The following WIF1 variants were observed in gnomAD, a reference collection of about 807,000 sequenced individuals.
WIF1 encodes Wnt inhibitory factor 1.
WIF1 carries 35 observed loss-of-function variants against 53.5 expected under a neutral mutation model. The ratio of observed to expected loss-of-function variants is 0.65; its 90% CI spans 0.50 to 0.87. The LOEUF (loss-of-function observed/expected upper bound fraction) is 0.87. Among genes scored for constraint, WIF1 ranks in the 40% least tolerant of loss-of-function variants. The pLI, the probability that WIF1 is intolerant of heterozygous loss-of-function variation, is 0.00. For synonymous variants in WIF1, 171 were observed against 170.4 expected, an observed-to-expected ratio of 1.00 and a Z score of -0.03; for missense variants, 467 against 476.8, an observed-to-expected ratio of 0.98 and a Z score of 0.19.
chr12:65,106,521 G>A (rs920732002), intron 2 of WIF1, among the ~76,000 whole-genome samples: 2 of 151,842 alleles, frequency 1.3e-5, no homozygotes, highest in African/African-American at 2.4e-5. Flanking sequence ...TCGCCACCAC[G>A]CCTGGCTAAT....
At chr12:65,099,387 A>T (rs1883248015) in intron 2 of WIF1, among the ~76,000 whole-genome samples, 1 of 152,210 alleles carries the variant, frequency 6.6e-6, no homozygotes, top group African/African-American at 2.4e-5. Context: ...GATTTTGCTC[A>T]AATAAGCCAC....
chr12:65,080,405 T>G (rs2136623302), intron 2 of WIF1, among the ~76,000 whole-genome samples: 1 of 152,082 alleles, frequency 6.6e-6, no homozygotes, highest in African/African-American at 2.4e-5. Context: ...ATGAAAGGAG[T>G]GTTGTCAGGA....
At position 65,062,462 on chromosome 12, in the gene WIF1, G is replaced by A. The variant is rs755917786; in HGVS notation, c.826+19C>T. Reference sequence around the variant, plus strand: ...TAAGGTCTCCCCAAGTCAAAAGAACGCAGAAAGTCAATACTCACTGATTTC... The same window carrying A: ...TAAGGTCTCCCCAAGTCAAAAGAACACAGAAAGTCAATACTCACTGATTTC... On this transcript the variant is annotated intron_variant, in intron 7 of 9. Transcript: ENST00000286574. 23 of 1,592,128 alleles carry A rather than the reference G, an allele frequency of 1.4e-5. No individual in the cohort carries two copies. The highest frequency in any genetic ancestry group is 9.4e-5 in the African/African-American group (7 of 74,556).
chr12:65,118,367 T>C (rs1451906842), intron 2 of WIF1, among the ~76,000 whole-genome samples: 1 of 152,224 alleles, frequency 6.6e-6, no homozygotes, highest in African/African-American at 2.4e-5. Flanking sequence ...CACATAACTT[T>C]AGTAAGCAAA....
chr12:65,100,350 C>A (rs1166561882), intron 2 of WIF1, among the ~76,000 whole-genome samples: 5 of 152,098 alleles, frequency 3.3e-5, no homozygotes, highest in Non-Finnish European at 5.9e-5. Context: ...CCCACTGCCC[C>A]CTACAGTATA....
intron 3 of WIF1, among the ~76,000 whole-genome samples, chr12:65,070,509 A>T (rs1882756782): frequency 6.6e-6 from 1 of 152,182 alleles, no homozygotes; most frequent in Admixed American, 6.6e-5. Flanking sequence ...TTTTGTACTT[A>T]TACTTTGTTC....
chr12:65,121,046 A>G lies in WIF1; in HGVS notation c.146T>C (p.Ile49Thr), dbSNP rs1244865390. Reference protein sequence around the residue: ...WIDAHQARVLIGFEEDILIVS... With the variant: ...WIDAHQARVLTGFEEDILIVS... ...GGCGCTGGAGGCGGGGGCCTTACCT[A>G]TGAGTACTCTTGCCTGGTGAGCATC... Residue 49 changes from isoleucine to threonine, a missense_variant and splice_region_variant, in exon 1 of 10, where the codon ATA becomes ACA. Transcript: ENST00000286574. 1.7e-5 allele frequency: 25 copies of G among 1,500,190 alleles called. No individual in the cohort carries two copies. The highest frequency in any genetic ancestry group is 2.1e-5 in the Non-Finnish European group (23 of 1,117,536). The allele number at this position is 1,500,190 out of a possible 1,614,324, so 92.9% of individuals were successfully genotyped here. A position where few individuals can be genotyped will look rare whatever the true frequency, so the allele number is the denominator to read the frequency against.
At chr12:65,061,204 G>T (rs769461181) in intron 7 of WIF1, among the ~76,000 whole-genome samples, 1 of 152,106 alleles carries the variant, frequency 6.6e-6, no homozygotes, top group South Asian at 2.1e-4. Flanking sequence ...TATAAAAATG[G>T]TTACTTCATC....
intron 2 of WIF1, among the ~76,000 whole-genome samples, chr12:65,094,945 T>C (rs959085401): frequency 3.0e-5 from 4 of 135,164 alleles, no homozygotes; most frequent in Admixed American, 7.9e-5. Context: ...TATTTATTTA[T>C]TTATTTTGAC....
chr12:65,113,771 A>G (rs906633818), intron 2 of WIF1, among the ~76,000 whole-genome samples: 2 of 152,204 alleles, frequency 1.3e-5, no homozygotes, highest in Non-Finnish European at 2.9e-5. Context: ...ATACCACAGC[A>G]TAGCAGAATC....
chr12:65,097,410 C>T (rs1326421253), intron 2 of WIF1, among the ~76,000 whole-genome samples: 1 of 152,120 alleles, frequency 6.6e-6, no homozygotes, highest in Non-Finnish European at 1.5e-5. Flanking sequence ...GAAATCTAGC[C>T]TCTACCGTTC....
chr12:65,057,696 A>C (rs1373151864), intron 7 of WIF1, among the ~76,000 whole-genome samples: 1 of 152,158 alleles, frequency 6.6e-6, no homozygotes, highest in Non-Finnish European at 1.5e-5. Flanking sequence ...AAGGAGAAGT[A>C]ATGAAAATTT....
At position 65,056,031 on chromosome 12, in the gene WIF1, G is replaced by A. The variant is rs748455979; in HGVS notation, c.922C>T (p.Pro308Ser). Reference sequence around the variant, plus strand: ...TTGGCAATGTGTATGGGGTACTTACGCTTTGAACAGAGGTCTCCCTGGTAA... The same window carrying A: ...TTGGCAATGTGTATGGGGTACTTACACTTTGAACAGAGGTCTCCCTGGTAA... ...KGYQGDLCSK[P>S]VCEPGCGAHG... Residue 308 changes from proline (P) to serine (S), a missense_variant and splice_region_variant, in exon 8 of 10, where the codon CCT (proline) becomes TCT (serine). Physicochemically the swap from Pro to Ser is moderately conservative, Grantham distance 74. Transcript: ENST00000286574. The A allele has an allele frequency of 8.2e-5, 133 of 1,613,666 alleles. No homozygotes were observed. Among genetic ancestry groups the A allele is most frequent in the East Asian group, 3.6e-4 (16 of 44,876 alleles).
intron 6 of WIF1, among the ~76,000 whole-genome samples, chr12:65,063,546 T>C (rs1189778139): frequency 6.6e-6 from 1 of 152,038 alleles, no homozygotes; most frequent in Non-Finnish European, 1.5e-5. Context: ...AATCCAAAAG[T>C]TCTAAGTGTA....
At chr12:65,081,576 C>A (rs913098407) in intron 2 of WIF1, among the ~76,000 whole-genome samples, 2 of 152,170 alleles carry the variant, frequency 1.3e-5, no homozygotes, top group Non-Finnish European at 2.9e-5. Context: ...ACACTTTACA[C>A]AAAAGTGTCC....
chr12:65,066,727 G>A lies in WIF1; in HGVS notation c.644C>T (p.Thr215Ile). 1 of 1,605,114 alleles carries A rather than the reference G, an allele frequency of 6.2e-7. No homozygotes were observed. Among genetic ancestry groups the A allele is most frequent in the South Asian group, 1.1e-5 (1 of 89,486 alleles). ...HGPHCEKALCTPRCMNGGLCV... is the reference protein window; with the variant it reads ...HGPHCEKALCIPRCMNGGLCV... ...AAGTCCACCATTCATACATCGTGGG[G>A]TACAAAGGGCTTATAGGGAGAGAGA... The change falls in exon 6 of 10, where the codon ACC (threonine) becomes ATC (isoleucine). Residue 215 changes from threonine to isoleucine, a missense_variant. Transcript: ENST00000286574.
chr12:65,058,652 T>G (rs1249788577), intron 7 of WIF1, among the ~76,000 whole-genome samples: 1 of 152,200 alleles, frequency 6.6e-6, no homozygotes, highest in African/African-American at 2.4e-5. Context: ...AAAAATATCT[T>G]TAATAGGAAT....
chr12:65,059,583 T>C (rs559207004), intron 7 of WIF1, among the ~76,000 whole-genome samples: 19 of 152,270 alleles, frequency 1.2e-4, no homozygotes, highest in Middle Eastern at 3.4e-3. Flanking sequence ...CCTCTAACCA[T>C]AGTTTTGTTA....
chr12:65,061,718 C>T (rs1461299151), intron 7 of WIF1, among the ~76,000 whole-genome samples: 1 of 152,204 alleles, frequency 6.6e-6, no homozygotes, highest in Non-Finnish European at 1.5e-5. Context: ...ATAGTAAAGG[C>T]ATAGTGTGTA....
Sources: allele counts gnomAD v4.1 joint callset (sites outside exome capture counted in the v4.1 genomes callset), GRCh38; gene constraint gnomAD v4.1.1; transcripts MANE v1.5; gene names NCBI Gene and HGNC (gene_info 2026-07-23, HGNC 2026-07-21).